The following TAS2R1 variants were observed in gnomAD, a reference collection of about 807,000 sequenced individuals.
The protein encoded by TAS2R1 is taste 2 receptor member 1, also known as taste receptor type 2 member 1.
For synonymous variants in TAS2R1, 141 were observed against 134.2 expected, an observed-to-expected ratio of 1.05 and a Z score of -0.35; for missense variants, 370 against 353.4, an observed-to-expected ratio of 1.05 and a Z score of -0.38.
At chr5:9,696,376 A>G (rs912849058) in intron 1 of TAS2R1, among the ~76,000 whole-genome samples, 2 of 152,050 alleles carry the variant, frequency 1.3e-5, no homozygotes, top group Non-Finnish European at 2.9e-5. Context: ...CCTGATCAAC[A>G]TGGTGAAACC....
chr5:9,896,482 C>T, the TAS2R1 span, among the ~76,000 whole-genome samples: 86,081 of 151,930 alleles, frequency 0.57, 25,053 homozygotes, highest in Non-Finnish European at 0.64. Flanking sequence ...TGAAGCTCTG[C>T]GAGCCTTGTC....
chr5:9,740,349 GGTACA>G, the TAS2R1 span, among the ~76,000 whole-genome samples: 9 of 152,212 alleles, frequency 5.9e-5, no homozygotes, highest in East Asian at 1.2e-3. Context: ...GTTAATAAGT[GGTACA>G]GTAAAGAATG....
intron 1 of TAS2R1, among the ~76,000 whole-genome samples, chr5:9,710,336 A>T (rs1741704647): frequency 6.6e-6 from 1 of 152,222 alleles, no homozygotes; most frequent in Non-Finnish European, 1.5e-5. Flanking sequence ...CTCCTTTACA[A>T]AGAGTATGCT....
At chr5:9,839,060 A>C in the TAS2R1 span, among the ~76,000 whole-genome samples, 1 of 152,372 alleles carries the variant, frequency 6.6e-6, no homozygotes, top group African/African-American at 2.4e-5. Context: ...TAACATCATC[A>C]GCATCGAGCA....
chr5:9,825,659 G>T, the TAS2R1 span, among the ~76,000 whole-genome samples: 1 of 152,174 alleles, frequency 6.6e-6, no homozygotes, highest in African/African-American at 2.4e-5. Context: ...ACATGGAATT[G>T]CTGCCTCAAA....
chr5:9,706,256 C>T (rs1335619423), intron 1 of TAS2R1, among the ~76,000 whole-genome samples: 1 of 152,162 alleles, frequency 6.6e-6, no homozygotes, highest in Admixed American at 6.5e-5. Flanking sequence ...TTGAGGCTAT[C>T]TTGGGCCAGT....
At chr5:9,788,957 T>C in the TAS2R1 span, among the ~76,000 whole-genome samples, 2 of 152,208 alleles carry the variant, frequency 1.3e-5, no homozygotes, top group Non-Finnish European at 2.9e-5. Flanking sequence ...GGACAATGTA[T>C]GCATTTATAC....
chr5:9,751,052 G>C, the TAS2R1 span, among the ~76,000 whole-genome samples: 10 of 151,442 alleles, frequency 6.6e-5, no homozygotes, highest in African/African-American at 2.4e-4. Context: ...AATAAGAATA[G>C]ACTGGAGTCA....
At chr5:9,841,327 GA>G in the TAS2R1 span, among the ~76,000 whole-genome samples, 1 of 152,014 alleles carries the variant, frequency 6.6e-6, no homozygotes, top group Non-Finnish European at 1.5e-5. Context: ...CTCCTTCTAG[GA>G]AAAAATTATA....
At chr5:9,794,688 A>T in the TAS2R1 span, among the ~76,000 whole-genome samples, 10 of 152,302 alleles carry the variant, frequency 6.6e-5, no homozygotes, top group African/African-American at 2.4e-4. Flanking sequence ...TTTTTTCTTA[A>T]GTCTTAACTG....
At chr5:9,849,125 C>A in the TAS2R1 span, among the ~76,000 whole-genome samples, 1 of 152,230 alleles carries the variant, frequency 6.6e-6, no homozygotes, top group Non-Finnish European at 1.5e-5. Flanking sequence ...CTCCTTCTCT[C>A]CATTGTGAAA....
chr5:9,799,369 G>A, the TAS2R1 span, among the ~76,000 whole-genome samples: 1 of 152,304 alleles, frequency 6.6e-6, no homozygotes. Context: ...TCCTTAGCAA[G>A]GTGAGGAGAT....
the TAS2R1 span, among the ~76,000 whole-genome samples, chr5:9,786,419 C>T: frequency 6.6e-6 from 1 of 152,168 alleles, no homozygotes; most frequent in African/African-American, 2.4e-5. Flanking sequence ...CACAAAGTAA[C>T]TAAGTCCCAT....
intron 1 of TAS2R1, among the ~76,000 whole-genome samples, chr5:9,672,641 C>T (rs1162126568): frequency 1.3e-5 from 2 of 151,984 alleles, no homozygotes; most frequent in African/African-American, 4.8e-5. Context: ...ACAGATGCTG[C>T]CAATGTTGCA....
chr5:9,667,059 T>C (rs568717360), intron 1 of TAS2R1, among the ~76,000 whole-genome samples: 2 of 152,274 alleles, frequency 1.3e-5, no homozygotes, highest in East Asian at 1.9e-4. Context: ...AGACATGAAA[T>C]ATTTTTTATT....
the TAS2R1 span, among the ~76,000 whole-genome samples, chr5:9,771,843 T>C: frequency 6.6e-6 from 1 of 152,242 alleles, no homozygotes; most frequent in African/African-American, 2.4e-5. Flanking sequence ...TTCTGAAGTG[T>C]CAGTTGTAAT....
chr5:9,869,205 T>C, the TAS2R1 span, among the ~76,000 whole-genome samples: 20 of 152,184 alleles, frequency 1.3e-4, no homozygotes, highest in Admixed American at 2.0e-4. Context: ...CTCTGCAGTA[T>C]CAATTTACTG....
chr5:9,882,252 G>T, the TAS2R1 span, among the ~76,000 whole-genome samples: 103 of 152,272 alleles, frequency 6.8e-4, no homozygotes, highest in African/African-American at 2.4e-3. Context: ...ATGAAAAAAA[G>T]CTCAACATCA....
intron 1 of TAS2R1, among the ~76,000 whole-genome samples, chr5:9,661,533 C>T (rs1308903890): frequency 6.6e-6 from 1 of 152,176 alleles, no homozygotes; most frequent in Non-Finnish European, 1.5e-5. Flanking sequence ...ACTGATCTTC[C>T]AACATCGCAA....
Sources: allele counts gnomAD v4.1 joint callset (sites outside exome capture counted in the v4.1 genomes callset), GRCh38; gene constraint gnomAD v4.1.1; transcripts MANE v1.5; gene names NCBI Gene and HGNC (gene_info 2026-07-23, HGNC 2026-07-21).